Variants in PAXBP1 observed in about 807,000 individuals in gnomAD.
PAXBP1 encodes the protein PAX3- and PAX7-binding protein 1.
PAXBP1 carries 44 observed loss-of-function variants against 119.9 expected under a neutral mutation model. The observed-to-expected ratio is 0.37, with a 90% CI of 0.29 to 0.47. PAXBP1 has a LOEUF of 0.47. Ranked by LOEUF, PAXBP1 falls within the 20% of genes least tolerant of loss-of-function variation. The pLI, the probability that PAXBP1 is intolerant of heterozygous loss-of-function variation, is 0.99. For missense variants in PAXBP1, 898 were observed against 1,134.1 expected (o/e 0.79, Z 2.99); for synonymous variants, 393 against 406.6 (o/e 0.97, Z 0.40).
Position 32,739,750 on chromosome 21 carries a change from CA to C in PAXBP1, c.2335-1432del, listed in dbSNP as rs1381771573. The stretch of plus-strand genomic sequence containing the variant: ...TGAAACCCCGTCTCTACTAAAAATA[CA>C]AAAAAGTAGCCGGGCGTGGTGGTGG... On this transcript the variant is annotated intron_variant, in intron 15 of 17. Transcript: ENST00000331923. Among the ~76,000 whole-genome samples, 8 of 151,084 alleles carry C rather than the reference CA, an allele frequency of 5.3e-5. No homozygotes were observed. The East Asian group carries it at 1.2e-3, about 22-fold the overall frequency.
chr21:32,734,828 A>C lies in PAXBP1; in HGVS notation c.*122T>G. Reference sequence around the variant, plus strand: ...ATATCATTTAAGGACACAGTATTGAATATAATGTTTTTTGTATTAAAACAA... The same window carrying C: ...ATATCATTTAAGGACACAGTATTGACTATAATGTTTTTTGTATTAAAACAA... On this transcript the variant is annotated 3_prime_UTR_variant, in exon 18 of 18. Coordinates refer to ENST00000331923, the MANE Select transcript of PAXBP1 (RefSeq NM_016631.4). 1.6e-5 allele frequency: 12 copies of C among 738,264 alleles called. No individual in the cohort carries two copies. In the South Asian group the frequency reaches 1.8e-4, roughly 11 times the overall value. The allele number at this position is 738,264 out of a possible 1,614,324, so 45.7% of individuals were successfully genotyped here.
intron 13 of PAXBP1, 130 bp downstream of exon 13, chr21:32,744,662 T>C: frequency 1.1e-6 from 1 of 942,174 alleles, no homozygotes; most frequent in Non-Finnish European, 1.5e-6. Flanking sequence ...CAGGCTTTAA[T>C]GGCCCTGATG....
intron 2 of PAXBP1, among the ~76,000 whole-genome samples, chr21:32,767,750 G>A (rs974478659): frequency 4.6e-5 from 7 of 152,114 alleles, no homozygotes; most frequent in African/African-American, 7.2e-5. Flanking sequence ...TGAGGCCTCC[G>A]CAGCCACGTG....
At chr21:32,754,071 T>C (rs1246821820) in intron 8 of PAXBP1, among the ~76,000 whole-genome samples, 6 of 152,310 alleles carry the variant, frequency 3.9e-5, no homozygotes, top group South Asian at 2.1e-4. Flanking sequence ...TAGCCATTTA[T>C]AGGGCTCATA....
chr21:32,756,339 G>C (rs997967611), intron 7 of PAXBP1: 6 of 530,922 alleles, frequency 1.1e-5, no homozygotes, highest in Non-Finnish European at 2.3e-5. Context: ...CTGGCACCAA[G>C]TGTTATAGCA....
chr21:32,758,916 T>A (rs1276559324), intron 7 of PAXBP1, among the ~76,000 whole-genome samples, 164 bp downstream of exon 7: 1 of 151,992 alleles, frequency 6.6e-6, no homozygotes. Context: ...CCTTAAGAGA[T>A]AATGCCACTA....
At chr21:32,735,607 A>G (rs763884187) in intron 17 of PAXBP1, among the ~76,000 whole-genome samples, 47 of 152,180 alleles carry the variant, frequency 3.1e-4, no homozygotes, top group Non-Finnish European at 5.3e-4. Context: ...TAATCCTCAA[A>G]TTTTAGCACA....
chr21:32,763,030 AGAT>A, intron 3 of PAXBP1, among the ~76,000 whole-genome samples: 1 of 152,120 alleles, frequency 6.6e-6, no homozygotes, highest in African/African-American at 2.4e-5. Context: ...TTTCTCTTGC[AGAT>A]AGTTTTTAGT....
At chr21:32,737,151 T>A in intron 17 of PAXBP1, 103 bp downstream of exon 17, 1 of 997,318 alleles carries the variant, frequency 1.0e-6, no homozygotes, top group Non-Finnish European at 1.4e-6. Flanking sequence ...TAAGTGAACA[T>A]ACAATTTAAA....
chr21:32,755,401 A>G, intron 7 of PAXBP1, 48 bp from the exon 8 acceptor site: 1 of 1,591,040 alleles, frequency 6.3e-7, no homozygotes, highest in Non-Finnish European at 8.5e-7. Flanking sequence ...TCAGCTGCTT[A>G]TTTATTTGAG....
At chr21:32,765,018 C>T (rs1217600681) in intron 2 of PAXBP1, among the ~76,000 whole-genome samples, 1 of 152,168 alleles carries the variant, frequency 6.6e-6, no homozygotes, top group East Asian at 1.9e-4. Context: ...ACATGGAATA[C>T]CTTCTTAGCT....
chr21:32,753,447 A>T (rs111437096), intron 8 of PAXBP1, among the ~76,000 whole-genome samples: 258 of 150,832 alleles, frequency 1.7e-3, no homozygotes, highest in Middle Eastern at 6.9e-3. Context: ...AAAAAAAAAA[A>T]CATTATACTT....
intron 4 of PAXBP1, 87 bp from the exon 5 acceptor site, chr21:32,761,249 A>G: frequency 1.0e-6 from 1 of 955,880 alleles, no homozygotes; most frequent in South Asian, 1.4e-5. Context: ...ACAAGAACTG[A>G]GCAAAACTAT....
chr21:32,737,114 T>C (rs1360657210), intron 17 of PAXBP1, 140 bp downstream of exon 17: 2 of 659,294 alleles, frequency 3.0e-6, no homozygotes, highest in African/African-American at 1.9e-5. Context: ...TGAAAAATTA[T>C]GTGCATTTTT....
At chr21:32,742,206 A>G (rs766749905) in intron 15 of PAXBP1, 11 of 152,096 alleles carry the variant, frequency 7.2e-5, no homozygotes, top group Non-Finnish European at 1.3e-4. Flanking sequence ...AGAACTATAC[A>G]CTAAAAAGAG....
In PAXBP1 at chr21:32,734,962, G is replaced by A. The variant is rs116339270; in HGVS notation, c.2742C>T (p.Ile914=). 3.8e-4 allele frequency: 615 copies of A among 1,612,564 alleles called. 2 individuals are homozygous for A. The African/African-American group carries it at 7.5e-3, about 20-fold the overall frequency. ...CAGTCTCATAGATCTATTTTCCTTC[G>A]ATCAAAGACTTAAATTCTTTCACAT... ...DHNVKEFKSL[I]EGK Residue 914 remains isoleucine, a synonymous_variant, in exon 18 of 18, where the codon ATC becomes ATT. Coordinates refer to ENST00000331923, the MANE Select transcript of PAXBP1 (RefSeq NM_016631.4).
At position 32,745,571 on chromosome 21, in the gene PAXBP1, T is replaced by C; in HGVS notation, c.2068+3A>G. The C allele has an allele frequency of 6.2e-7, 1 of 1,613,828 alleles. No homozygotes were observed. Among genetic ancestry groups the C allele is most frequent in the Non-Finnish European group, 8.5e-7 (1 of 1,179,748 alleles). ...TGCTCAATTCAGAGAACAGGAGATT[T>C]ACCTGTTAGTTTAGGAAGAATCACC... On this transcript the variant is annotated splice_donor_region_variant and intron_variant, in intron 12 of 17. Coordinates refer to ENST00000331923, the MANE Select transcript of PAXBP1 (RefSeq NM_016631.4).
At position 32,771,656 on chromosome 21, in the gene PAXBP1, C is replaced by A. The variant is rs1172045209; in HGVS notation, c.13G>T (p.Ala5Ser). 4.2e-6 allele frequency: 6 copies of A among 1,428,940 alleles called. No homozygotes were observed. The highest frequency in any genetic ancestry group is 2.8e-5 in the South Asian group (2 of 72,020). The allele number at this position is 1,428,940 out of a possible 1,614,324, so 88.5% of individuals were successfully genotyped here. MFRK[A>S]RRVNVRKRND... Reference sequence around the variant, plus strand: ...CGCTTGCGCACGTTCACCCGCCGGGCCTTTCGGAACATCCCCGCGGCCCGC... The same window carrying A: ...CGCTTGCGCACGTTCACCCGCCGGGACTTTCGGAACATCCCCGCGGCCCGC... Residue 5 changes from alanine (A) to serine (S), a missense_variant, in exon 1 of 18, where the codon GCC becomes TCC. By Grantham distance (99) the Ala-to-Ser change is moderately conservative. Around this residue, in one of 2 missense-constraint regions of PAXBP1, gnomAD observed 299 missense variants for 281.4 expected, o/e 1.06. Coordinates refer to ENST00000331923, the MANE Select transcript of PAXBP1 (RefSeq NM_016631.4).
At chr21:32,769,106 T>G (rs1050378706) in intron 2 of PAXBP1, among the ~76,000 whole-genome samples, 1 of 152,174 alleles carries the variant, frequency 6.6e-6, no homozygotes. Context: ...AAAGCCATAC[T>G]TTTTCACAAT....
Sources: allele counts gnomAD v4.1 joint callset (sites outside exome capture counted in the v4.1 genomes callset), GRCh38; gene constraint gnomAD v4.1.1; regional missense constraint gnomAD v4.1.1; transcripts MANE v1.5; gene names NCBI Gene and HGNC (gene_info 2026-07-23, HGNC 2026-07-21).